LRRK2: variants seen among roughly 807,000 people sequenced by gnomAD.
LRRK2 encodes leucine rich repeat kinase 2, also known as leucine-rich repeat serine/threonine-protein kinase 2.
A neutral mutation model predicts 302.6 loss-of-function variants in LRRK2; 203 were observed. The ratio of observed to expected loss-of-function variants is 0.67; its 90% CI spans 0.60 to 0.75. The LOEUF (loss-of-function observed/expected upper bound fraction) is 0.75. LRRK2 is among the 30% of genes least tolerant of loss of function. The pLI is 0.00. For missense variants in LRRK2, 2,830 were observed against 2,951.0 expected, an observed-to-expected ratio of 0.96 and a Z score of 0.95; for synonymous variants, 1,066 against 1,031.9, an observed-to-expected ratio of 1.03 and a Z score of -0.63.
In LRRK2 at chr12:40,366,995, T is replaced by A. The variant is rs1456826659; in HGVS notation, c.7391-11T>A. The stretch of plus-strand genomic sequence containing the variant: ...TTTAACAGAAAACTTACATATTTTG[T>A]TTTTGTAAAGGAAGCCTTAAAAATG... On this transcript the variant is annotated splice_polypyrimidine_tract_variant and intron_variant, in intron 49 of 50. Transcript: ENST00000298910. The A allele has an allele frequency of 1.9e-6, 3 of 1,605,988 alleles. No homozygotes were observed. The highest frequency in any genetic ancestry group is 2.6e-6 in the Non-Finnish European group (3 of 1,173,930).
intron 14 of LRRK2, among the ~76,000 whole-genome samples, chr12:40,273,060 G>C (rs1256609407): frequency 6.6e-6 from 1 of 152,110 alleles, no homozygotes; most frequent in Non-Finnish European, 1.5e-5. Flanking sequence ...CTCATTTCAT[G>C]CTTATAACAA....
chr12:40,235,013 AT>A (rs527610845), intron 3 of LRRK2, among the ~76,000 whole-genome samples: 61 of 151,562 alleles, frequency 4.0e-4, no homozygotes, highest in African/African-American at 1.4e-3. Flanking sequence ...ATTTTTTTTT[AT>A]TTTTTTAACT....
chr12:40,234,346 A>ACATTATTG (rs1206694877), intron 3 of LRRK2, among the ~76,000 whole-genome samples: 2 of 150,412 alleles, frequency 1.3e-5, no homozygotes, highest in Non-Finnish European at 3.0e-5. Flanking sequence ...AACTAACTAA[A>ACATTATTG]CATTATTGAT....
At chr12:40,289,546 A>C (rs1366938509) in intron 20 of LRRK2, among the ~76,000 whole-genome samples, 1 of 148,970 alleles carries the variant, frequency 6.7e-6, no homozygotes, top group Non-Finnish European at 1.5e-5. Context: ...TAATACATAA[A>C]TAATAATTTA....
intron 16 of LRRK2, among the ~76,000 whole-genome samples, chr12:40,275,638 G>A (rs1239670737): frequency 6.6e-6 from 1 of 150,520 alleles, no homozygotes; most frequent in Non-Finnish European, 1.5e-5. Flanking sequence ...TGGAGACAGG[G>A]TCTCACTCTG....
At chr12:40,325,905 T>G (rs754010058) in intron 38 of LRRK2, among the ~76,000 whole-genome samples, 2 of 152,226 alleles carry the variant, frequency 1.3e-5, no homozygotes, top group Non-Finnish European at 2.9e-5. Flanking sequence ...ATTCTGTTCA[T>G]GCGTCTGAGA....
At chr12:40,339,862 G>A (rs1945983666) in intron 40 of LRRK2, among the ~76,000 whole-genome samples, 1 of 152,038 alleles carries the variant, frequency 6.6e-6, no homozygotes, top group South Asian at 2.1e-4. Context: ...GTGGTTTTAG[G>A]AAAATCAAAA....
At chr12:40,348,730 T>C (rs1401821956) in intron 43 of LRRK2, among the ~76,000 whole-genome samples, 1 of 152,170 alleles carries the variant, frequency 6.6e-6, no homozygotes, top group Non-Finnish European at 1.5e-5. Context: ...TCTTCTCTTC[T>C]TTGAAATGCC....
intron 41 of LRRK2, among the ~76,000 whole-genome samples, chr12:40,345,510 C>T (rs1565768020): frequency 6.7e-6 from 1 of 149,406 alleles, no homozygotes; most frequent in Non-Finnish European, 1.5e-5. Flanking sequence ...GTAATCCCAG[C>T]TACTCGGGAG....
chr12:40,234,094 G>A (rs983697161), intron 3 of LRRK2, among the ~76,000 whole-genome samples: 1 of 152,136 alleles, frequency 6.6e-6, no homozygotes, highest in Non-Finnish European at 1.5e-5. Context: ...TGTGGGAATG[G>A]TATAGGGAGA....
intron 40 of LRRK2, among the ~76,000 whole-genome samples, chr12:40,335,863 A>T (rs1237873183): frequency 6.6e-6 from 1 of 152,156 alleles, no homozygotes; most frequent in East Asian, 1.9e-4. Flanking sequence ...GTTACACCTG[A>T]GAGTCACCTT....
chr12:40,237,342 T>C (rs1941513109), intron 4 of LRRK2, among the ~76,000 whole-genome samples: 1 of 152,252 alleles, frequency 6.6e-6, no homozygotes, highest in African/African-American at 2.4e-5. Flanking sequence ...TGGATAGAAA[T>C]TGGGGACTGT....
At chr12:40,364,517 T>G (rs1946816689) in intron 48 of LRRK2, among the ~76,000 whole-genome samples, 1 of 80,922 alleles carries the variant, frequency 1.2e-5, no homozygotes, top group African/African-American at 3.4e-5. Flanking sequence ...TGACTCTAAC[T>G]TTTTTTTTTC....
intron 19 of LRRK2, among the ~76,000 whole-genome samples, chr12:40,284,597 T>A (rs548120286): frequency 6.6e-6 from 1 of 151,594 alleles, no homozygotes; most frequent in Admixed American, 6.6e-5. Context: ...TAGAATATAC[T>A]TTATATTTCA....
chr12:40,357,498 A>G (rs1946574672), intron 46 of LRRK2, among the ~76,000 whole-genome samples: 1 of 151,930 alleles, frequency 6.6e-6, no homozygotes. Flanking sequence ...TCTATTTTTA[A>G]TTTTTTTGAG....
chr12:40,349,117 CT>C (rs1316796172), intron 43 of LRRK2, among the ~76,000 whole-genome samples: 5 of 151,986 alleles, frequency 3.3e-5, no homozygotes, highest in Admixed American at 3.3e-4. Flanking sequence ...TATCCCATTC[CT>C]TTTTTTAATG....
intron 32 of LRRK2, among the ~76,000 whole-genome samples, chr12:40,314,870 T>C (rs1212569070): frequency 6.6e-6 from 1 of 152,066 alleles, no homozygotes; most frequent in Non-Finnish European, 1.5e-5. Context: ...ATATGCTGTG[T>C]TTCTTATCTG....
In LRRK2 at chr12:40,335,058, C is replaced by T; in HGVS notation, c.5849C>T (p.Ala1950Val). The T allele has an allele frequency of 1.9e-6, 3 of 1,614,092 alleles. No homozygotes were observed. Among genetic ancestry groups the T allele is most frequent in the Non-Finnish European group, 1.7e-6 (2 of 1,180,000 alleles). Residue 1950 changes from alanine to valine, a missense_variant, in exon 40 of 51, where the codon GCC becomes GTC. Coordinates refer to ENST00000298910, the MANE Select transcript of LRRK2 (RefSeq NM_198578.4). Reference sequence around the variant, plus strand: ...CCCCGGATGTTGGTGATGGAGTTAGCCTCCAAGGGTTCCTTGGATCGCCTG... The same window carrying T: ...CCCCGGATGTTGGTGATGGAGTTAGTCTCCAAGGGTTCCTTGGATCGCCTG... ...IRPRMLVMEL[A>V]SKGSLDRLLQ...
At position 40,309,632 on chromosome 12, in the gene LRRK2, C is replaced by T. The variant is rs541671262; in HGVS notation, c.4317+399C>T. On this transcript the variant is annotated intron_variant, in intron 30 of 50. Coordinates refer to ENST00000298910, the MANE Select transcript of LRRK2 (RefSeq NM_198578.4). ...CTCAGGGGCCATTTAGTGTGAAATT[C>T]TTCAGATTGTATCCTTTAAGTGGTC... is the stretch of plus-strand genomic sequence containing the variant. Among the ~76,000 whole-genome samples, 3 of 152,054 alleles carry T rather than the reference C, an allele frequency of 2.0e-5. No homozygotes were observed. The South Asian group carries it at 6.2e-4, about 32-fold the overall frequency.
Sources: allele counts gnomAD v4.1 joint callset (sites outside exome capture counted in the v4.1 genomes callset), GRCh38; gene constraint gnomAD v4.1.1; transcripts MANE v1.5; gene names NCBI Gene and HGNC (gene_info 2026-07-23, HGNC 2026-07-21).